PTPRN2: variants seen among roughly 807,000 people sequenced by gnomAD.
PTPRN2 encodes protein tyrosine phosphatase receptor type N2, also known as receptor-type tyrosine-protein phosphatase N2.
A neutral mutation model predicts 118.8 loss-of-function variants in PTPRN2; 74 were observed. The ratio of observed to expected loss-of-function variants is 0.62; its 90% CI spans 0.52 to 0.76. The LOEUF (loss-of-function observed/expected upper bound fraction) is 0.76, where lower values mean the gene tolerates loss of function less well. Among genes scored for constraint, PTPRN2 ranks in the 30% least tolerant of loss-of-function variants. The pLI, the probability that PTPRN2 is intolerant of heterozygous loss-of-function variation, is 0.00. For synonymous variants in PTPRN2, 641 were observed against 608.0 expected (o/e 1.05, Z -0.80); for missense variants, 1,481 against 1,394.4 (o/e 1.06, Z -0.99).
intron 6 of PTPRN2, among the ~76,000 whole-genome samples, chr7:158,162,077 G>C (rs1436867811): frequency 6.6e-6 from 1 of 152,106 alleles, no homozygotes; most frequent in African/African-American, 2.4e-5. Context: ...CCAGAACATT[G>C]ACAACACCCA....
intron 14 of PTPRN2, among the ~76,000 whole-genome samples, chr7:157,638,108 C>G (rs2150686665): frequency 6.6e-6 from 1 of 152,330 alleles, no homozygotes; most frequent in Middle Eastern, 3.4e-3. Context: ...AAAAGGGGAA[C>G]AAAACAACTG....
At chr7:157,558,931 G>A (rs1171143769) in intron 21 of PTPRN2, among the ~76,000 whole-genome samples, 2 of 152,232 alleles carry the variant, frequency 1.3e-5, no homozygotes, top group Non-Finnish European at 1.5e-5. Context: ...ATGCCCGTGG[G>A]CTCATGGTCA....
At chr7:158,111,923 A>G (rs1816311200) in intron 9 of PTPRN2, among the ~76,000 whole-genome samples, 1 of 152,254 alleles carries the variant, frequency 6.6e-6, no homozygotes, top group African/African-American at 2.4e-5. Context: ...ACCCTAAGCC[A>G]ATATCACTGG....
rs76637384 is a variant in PTPRN2 at position 158,120,703 on chromosome 7, A to C, written c.1557-9788T>G. On this transcript the variant is annotated intron_variant, in intron 9 of 22. Coordinates refer to ENST00000389418, the MANE Select transcript of PTPRN2 (RefSeq NM_002847.5). ...CCAGATGTCCTCTCTTTTCCTGTAC[A>C]TTTTGGATGTCTGCTCTAACCCAGG... 5.7e-3 allele frequency among the ~76,000 whole-genome samples: 864 copies of C among 152,276 alleles called. 11 individuals carry two copies. Among genetic ancestry groups the C allele is most frequent in the African/African-American group, 0.018 (761 of 41,562 alleles).
At chr7:158,131,392 A>ATCTAC (rs1818268255) in intron 9 of PTPRN2, among the ~76,000 whole-genome samples, 1 of 147,710 alleles carries the variant, frequency 6.8e-6, no homozygotes, top group African/African-American at 2.5e-5. Flanking sequence ...TCATACACAC[A>ATCTAC]CGTATATACA....
chr7:158,388,458 C>T (rs1421903173), intron 2 of PTPRN2, among the ~76,000 whole-genome samples: 1 of 152,200 alleles, frequency 6.6e-6, no homozygotes, highest in Non-Finnish European at 1.5e-5. Flanking sequence ...AAGCACTTCA[C>T]TCACCATCAC....
intron 8 of PTPRN2, among the ~76,000 whole-genome samples, chr7:158,135,062 A>G (rs901630088): frequency 1.3e-5 from 2 of 152,200 alleles, no homozygotes; most frequent in African/African-American, 4.8e-5. Flanking sequence ...CATACCAGGC[A>G]ACCCACGGAC....
At chr7:158,289,622 C>A (rs1563093077) in intron 3 of PTPRN2, among the ~76,000 whole-genome samples, 1 of 152,158 alleles carries the variant, frequency 6.6e-6, no homozygotes, top group Non-Finnish European at 1.5e-5. Context: ...CCTTCAAACA[C>A]TTACTTTGAA....
At chr7:157,656,662 G>A in intron 13 of PTPRN2, 111 bp from the exon 14 acceptor site, 2 of 1,146,542 alleles carry the variant, frequency 1.7e-6, no homozygotes, top group Non-Finnish European at 2.4e-6. Context: ...AAGATCCAAG[G>A]TTCAGGCAGG....
chr7:157,993,817 G>A lies in PTPRN2; in HGVS notation c.1723+87481C>T, dbSNP rs117747396. Among the ~76,000 whole-genome samples, 7 of 152,270 alleles carry A rather than the reference G, an allele frequency of 4.6e-5. No individual in the cohort carries two copies. The East Asian group carries it at 1.2e-3, about 25-fold the overall frequency. On this transcript the variant is annotated intron_variant, in intron 11 of 22. Coordinates refer to ENST00000389418, the MANE Select transcript of PTPRN2 (RefSeq NM_002847.5). ...GTTGAAGGCCTCTCTGGAGAGCGTC[G>A]ATTGAGCAGACAGGCCCAGAGCTGG...
chr7:158,270,958 A>T (rs982530945), intron 3 of PTPRN2, among the ~76,000 whole-genome samples: 1 of 2,360 alleles, frequency 4.2e-4, no homozygotes, highest in African/African-American at 4.3e-3. Flanking sequence ...CACCTGGACC[A>T]CCCCTCCACC....
chr7:157,614,660 C>T (rs781540098), intron 15 of PTPRN2, among the ~76,000 whole-genome samples: 2 of 152,146 alleles, frequency 1.3e-5, no homozygotes, highest in African/African-American at 2.4e-5. Context: ...ACCCCAACCC[C>T]CAGGACTGCG....
intron 12 of PTPRN2, among the ~76,000 whole-genome samples, chr7:157,686,359 G>T (rs149428279): frequency 9.2e-5 from 14 of 152,338 alleles, no homozygotes; most frequent in African/African-American, 3.1e-4. Context: ...AAGATTTAAA[G>T]AATTTTTTTC....
At chr7:157,543,313 T>C (rs77408832) in intron 22 of PTPRN2, among the ~76,000 whole-genome samples, 5,869 of 152,280 alleles carry the variant, frequency 0.039, 382 homozygotes, top group African/African-American at 0.13. Flanking sequence ...TTGAGGCCTG[T>C]TGGAGAAAGA....
At chr7:158,195,619 T>G (rs1055352031) in intron 4 of PTPRN2, among the ~76,000 whole-genome samples, 3 of 116,780 alleles carry the variant, frequency 2.6e-5, no homozygotes, top group African/African-American at 8.2e-5. Context: ...CTGGTGTTTT[T>G]TATTTTTTTT....
intron 12 of PTPRN2, among the ~76,000 whole-genome samples, chr7:157,722,359 G>C (rs1799287711): frequency 6.6e-6 from 1 of 152,244 alleles, no homozygotes; most frequent in Non-Finnish European, 1.5e-5. Context: ...TCTCTCAGGG[G>C]GGGTCCTGAT....
chr7:157,701,850 C>A (rs548399437), intron 12 of PTPRN2, among the ~76,000 whole-genome samples: 1 of 147,974 alleles, frequency 6.8e-6, no homozygotes, highest in African/African-American at 2.5e-5. Context: ...AAAGCCCGGT[C>A]GGTGCTGGTG....
intron 6 of PTPRN2, among the ~76,000 whole-genome samples, chr7:158,162,350 C>T (rs936427021): frequency 1.3e-5 from 2 of 152,150 alleles, no homozygotes; most frequent in Non-Finnish European, 2.9e-5. Flanking sequence ...AGATGTTCCT[C>T]AGTAGGCGAA....
intron 9 of PTPRN2, among the ~76,000 whole-genome samples, chr7:158,119,506 G>A (rs934519511): frequency 6.6e-6 from 1 of 152,088 alleles, no homozygotes; most frequent in Non-Finnish European, 1.5e-5. Context: ...ATTGCACTTT[G>A]ATCGAGTAAC....
Sources: allele counts gnomAD v4.1 joint callset (sites outside exome capture counted in the v4.1 genomes callset), GRCh38; gene constraint gnomAD v4.1.1; transcripts MANE v1.5; gene names NCBI Gene and HGNC (gene_info 2026-07-23, HGNC 2026-07-21).